Variants in ANK1 observed in about 807,000 individuals in gnomAD.
ANK1 encodes ankyrin 1, also known as ankyrin-1.
ANK1 carries 51 observed loss-of-function variants against 210.4 expected under a neutral mutation model. The ratio of observed to expected loss-of-function variants is 0.24; its 90% CI spans 0.19 to 0.31. The LOEUF (loss-of-function observed/expected upper bound fraction) is 0.31, where lower values mean the gene tolerates loss of function less well. ANK1 is among the 10% of genes least tolerant of loss of function. The pLI is 1.00. For synonymous variants in ANK1, 967 were observed against 1,025.9 expected, an observed-to-expected ratio of 0.94 and a Z score of 1.10; for missense variants, 2,051 against 2,504.4, an observed-to-expected ratio of 0.82 and a Z score of 3.86.
At chr8:41,722,978 C>T (rs987133696) in intron 9 of ANK1, 147 bp downstream of exon 9, 3 of 784,724 alleles carry the variant, frequency 3.8e-6, no homozygotes, top group Admixed American at 2.0e-5. Context: ...GAGTCTCCTA[C>T]GTGATAGGCC....
At position 41,716,851 on chromosome 8, in the gene ANK1, G is replaced by A. The variant is rs917170711; in HGVS notation, c.1404+102C>T. Reference sequence around the variant, plus strand: ...TGATCAGGATGAAAAGTGATCCCCAGGCCACAGCACTGCAGCCCCGCCTGG... The same window carrying A: ...TGATCAGGATGAAAAGTGATCCCCAAGCCACAGCACTGCAGCCCCGCCTGG... On this transcript the variant is annotated intron_variant, in intron 13 of 42. Transcript: ENST00000289734. 4.2e-6 allele frequency: 5 copies of A among 1,196,954 alleles called. No individual in the cohort carries two copies. The African/African-American group carries it at 7.5e-5, about 18-fold the overall frequency. 74.1% of individuals were successfully genotyped at this position (1,196,954 alleles called of 1,614,324 possible).
At chr8:41,780,969 A>G (rs1207702262) in intron 1 of ANK1, among the ~76,000 whole-genome samples, 2 of 152,152 alleles carry the variant, frequency 1.3e-5, no homozygotes, top group East Asian at 3.9e-4. Context: ...AGAATATACT[A>G]CAAAAAGAAA....
rs78572716 is a variant in ANK1 at position 41,817,247 on chromosome 8, G to T, written c.127-59110C>A. Among the ~76,000 whole-genome samples the T allele has an allele frequency of 1.3e-3, 191 of 152,264 alleles. 2 individuals carry two copies. The East Asian group carries it at 0.029, about 23-fold the overall frequency. ...GTTTTCAACAGGAAGGAGTTTTGGG[G>T]GGCACATTTGCCTATTATCAGAAGT... On this transcript the variant is annotated intron_variant, in intron 1 of 42. Transcript: ENST00000265709.
intron 22 of ANK1, chr8:41,700,488 G>C: frequency 6.2e-7 from 1 of 1,609,848 alleles, no homozygotes; most frequent in Non-Finnish European, 8.5e-7. Flanking sequence ...TTGAAAGAAG[G>C]ACCACATTGA....
In ANK1 at chr8:41,805,885, T is replaced by C. The variant is rs182119741; in HGVS notation, c.127-47748A>G. ...GTGAAGATCTGGCTTCGCTTGGATA[T>C]GTAGTTGGAAAAAGGAGGAGTATTT... On this transcript the variant is annotated intron_variant, in intron 1 of 42. Transcript: ENST00000265709. Among the ~76,000 whole-genome samples, 469 of 152,254 alleles carry C rather than the reference T, an allele frequency of 3.1e-3. 2 individuals carry two copies. The highest frequency in any genetic ancestry group is 4.4e-3 in the Non-Finnish European group (298 of 68,014).
At chr8:41,855,568 T>C (rs911845405) in intron 1 of ANK1, among the ~76,000 whole-genome samples, 3 of 152,142 alleles carry the variant, frequency 2.0e-5, no homozygotes, top group African/African-American at 7.2e-5. Flanking sequence ...GTTGTGTCTG[T>C]TTTTCAACCA....
intron 35 of ANK1, among the ~76,000 whole-genome samples, chr8:41,686,950 C>T (rs539916277): frequency 2.6e-5 from 4 of 152,244 alleles, no homozygotes; most frequent in Admixed American, 2.0e-4. Flanking sequence ...AATCAGAACA[C>T]GCACATACAA....
chr8:41,726,062 T>TA, intron 5 of ANK1, 116 bp from the exon 6 acceptor site: 3 of 1,183,288 alleles, frequency 2.5e-6, no homozygotes, highest in Non-Finnish European at 2.4e-6. Flanking sequence ...CTGAGGGACC[T>TA]ACCTCCACCA....
intron 1 of ANK1, among the ~76,000 whole-genome samples, chr8:41,876,273 C>T (rs1816590827): frequency 6.6e-6 from 1 of 152,190 alleles, no homozygotes; most frequent in African/African-American, 2.4e-5. Context: ...CACCCTGGCA[C>T]CGACCGCCCG....
chr8:41,839,517 C>T (rs1206302797), intron 1 of ANK1, among the ~76,000 whole-genome samples: 1 of 152,224 alleles, frequency 6.6e-6, no homozygotes, highest in Admixed American at 6.5e-5. Flanking sequence ...GGCTTGGCCT[C>T]CCCGAGGCCC....
At chr8:41,785,668 G>A (rs1013832997) in intron 1 of ANK1, among the ~76,000 whole-genome samples, 1 of 152,174 alleles carries the variant, frequency 6.6e-6, no homozygotes, top group African/African-American at 2.4e-5. Context: ...GCCCCTGCTC[G>A]CTGCGCATCC....
At chr8:41,717,311 T>TA (rs1166629227) in intron 12 of ANK1, among the ~76,000 whole-genome samples, 2 of 152,238 alleles carry the variant, frequency 1.3e-5, no homozygotes, top group Non-Finnish European at 2.9e-5. Context: ...TAGGTACACT[T>TA]AAAAGTAAAC....
chr8:41,761,596 T>C (rs1379980108), intron 1 of ANK1, among the ~76,000 whole-genome samples: 2 of 152,072 alleles, frequency 1.3e-5, no homozygotes, highest in Admixed American at 6.5e-5. Flanking sequence ...AGAGAACACA[T>C]TTCCGTAGTG....
Position 41,690,487 on chromosome 8 carries a change from G to A in ANK1, c.3971C>T (p.Ala1324Val), listed in dbSNP as rs1228458158. 2 of 1,614,178 alleles carry A rather than the reference G, an allele frequency of 1.2e-6. No homozygotes were observed. The highest frequency in any genetic ancestry group is 8.5e-7 in the Non-Finnish European group (1 of 1,180,016). Residue 1324 changes from alanine to valine, a missense_variant, in exon 32 of 43, where the codon GCC (alanine) becomes GTC (valine). Physicochemically the swap from Ala to Val is moderately conservative, Grantham distance 64. Around this residue, in one of 6 missense-constraint regions of ANK1, gnomAD observed 1,413 missense variants for 1,707.4 expected, o/e 0.83. Transcript: ENST00000289734. ...GGGTGCCGGCACCTTTACAGGCATG[G>A]CCAGACGGTTCTCCCGAAATGACTG... The part of the protein sequence containing the change: ...HFQSFRENRL[A>V]MPVKVRDSSR...
At position 41,671,767 on chromosome 8, in the gene ANK1, G is replaced by A. The variant is rs369630200; in HGVS notation, c.5096+587C>T. ...TCCCAGTGCCCTAATGTCCCTAAGT[G>A]AGCCCTCCCAGTGCCCTAATGTCCC... is the stretch of plus-strand genomic sequence containing the variant. On this transcript the variant is annotated intron_variant, in intron 38 of 42. Transcript: ENST00000289734. Among the ~76,000 whole-genome samples, 4 of 144,108 alleles carry A rather than the reference G, an allele frequency of 2.8e-5. No homozygotes were observed. The East Asian group carries it at 8.4e-4, about 30-fold the overall frequency. The allele number at this position is 144,108 out of a possible 152,430, so 94.5% of individuals were successfully genotyped here.
chr8:41,679,535 C>T (rs993798263), intron 37 of ANK1, among the ~76,000 whole-genome samples: 34 of 149,182 alleles, frequency 2.3e-4, no homozygotes, highest in African/African-American at 7.9e-4. Flanking sequence ...AGAACTCCAG[C>T]TGTCTTGGTC....
intron 3 of ANK1, among the ~76,000 whole-genome samples, chr8:41,728,969 A>G (rs1831429248): frequency 6.6e-6 from 1 of 152,218 alleles, no homozygotes; most frequent in South Asian, 2.1e-4. Context: ...CCAGGAAAGG[A>G]GGCCAGCAGG....
intron 6 of ANK1, among the ~76,000 whole-genome samples, chr8:41,724,832 T>C (rs147914053): frequency 7.9e-5 from 12 of 152,284 alleles, no homozygotes; most frequent in African/African-American, 2.6e-4. Context: ...TTTTCATTCA[T>C]GAATGAAAGT....
At chr8:41,849,677 G>C (rs1455671192) in intron 1 of ANK1, among the ~76,000 whole-genome samples, 1 of 152,136 alleles carries the variant, frequency 6.6e-6, no homozygotes, top group Non-Finnish European at 1.5e-5. Flanking sequence ...CACACTCAGG[G>C]CTTTCCATCA....
Sources: gnomAD v4.1 joint callset for allele counts (sites outside exome capture counted in the v4.1 genomes callset) on GRCh38, gnomAD v4.1.1 for gene constraint, gnomAD v4.1.1 regional missense constraint, MANE v1.5 for transcripts, NCBI Gene and HGNC (gene_info 2026-07-23, HGNC 2026-07-21) for gene names.